Variants in RIBC2 observed in about 807,000 individuals in gnomAD.
RIBC2 encodes the protein RIB43A domain with coiled-coils 2.
Under a neutral mutation model 44.3 loss-of-function variants are expected in RIBC2, and 40 were observed. The ratio of observed to expected loss-of-function variants is 0.90; its 90% confidence interval spans 0.70 to 1.18. RIBC2 has a LOEUF of 1.18. Ranked by LOEUF, RIBC2 falls within the 50% of genes most tolerant of loss-of-function variation. The probability of loss-of-function intolerance (pLI) is 0.00; values close to 1 mark genes in which losing one functional copy is unlikely to be tolerated. For missense variants in RIBC2, 459 were observed against 485.5 expected (o/e 0.95, Z 0.51); for synonymous variants, 171 against 175.0 (o/e 0.98, Z 0.18).
chr22:45,420,023 GAAAC>G (rs998437402), intron 3 of RIBC2, among the ~76,000 whole-genome samples: 5 of 152,106 alleles, frequency 3.3e-5, no homozygotes, highest in African/African-American at 7.2e-5. Context: ...GACTCCATCT[GAAAC>G]AAACAAACAA....
Position 45,425,826 on chromosome 22 carries a change from C to T in RIBC2, c.676-122C>T, listed in dbSNP as rs368998104. 1.2e-4 allele frequency: 99 copies of T among 808,526 alleles called. 2 individuals carry two copies. The highest frequency in any genetic ancestry group is 6.9e-4 in the South Asian group (41 of 59,610). The allele number at this position is 808,526 out of a possible 1,614,324, so 50.1% of individuals were successfully genotyped here. A position where few individuals can be genotyped will look rare whatever the true frequency, so the allele number is the denominator to read the frequency against. ...GTGCCTGACAAGTCTCCCCTCCACCCGACTCCTGCTGCCCTTAGCATATCC... is the reference window on the plus strand; with the variant it reads ...GTGCCTGACAAGTCTCCCCTCCACCTGACTCCTGCTGCCCTTAGCATATCC... On this transcript the variant is annotated intron_variant, in intron 4 of 6. Transcript: ENST00000614167.
chr22:45,423,230 G>A (rs931214225), intron 4 of RIBC2, among the ~76,000 whole-genome samples: 2 of 151,964 alleles, frequency 1.3e-5, no homozygotes, highest in East Asian at 1.9e-4. Context: ...CAGTCCTCCC[G>A]CCTCAGCCTC....
At chr22:45,428,046 G>C (rs1170761201) in intron 5 of RIBC2, among the ~76,000 whole-genome samples, 3 of 152,362 alleles carry the variant, frequency 2.0e-5, no homozygotes, top group East Asian at 3.9e-4. Context: ...GGGGCCGCCA[G>C]GGAGGTGGAC....
chr22:45,431,167 C>A, intron 6 of RIBC2, 101 bp downstream of exon 6: 10 of 1,365,056 alleles, frequency 7.3e-6, no homozygotes, highest in Middle Eastern at 2.4e-4. Context: ...GGAAACACCC[C>A]GCCCTGGTGG....
chr22:45,414,138 T>C lies in RIBC2; in HGVS notation c.129+123T>C, dbSNP rs118185037. 7.1e-3 allele frequency: 10,602 copies of C among 1,485,200 alleles called. 50 individuals are homozygous for C. Among genetic ancestry groups the C allele is most frequent in the Middle Eastern group, 0.014 (58 of 4,288 alleles). 92.0% of individuals were successfully genotyped at this position (1,485,200 alleles called of 1,614,324 possible). ...AGCCAGGAGGCAGCAAACGGCCTCC[T>C]GCAGGGCCAATAATGCTCCCTCTCG... On this transcript the variant is annotated intron_variant, in intron 1 of 6. Coordinates refer to ENST00000614167, the MANE Select transcript of RIBC2 (RefSeq NM_015653.5).
chr22:45,419,942 C>T (rs914140495), intron 3 of RIBC2, among the ~76,000 whole-genome samples: 2 of 152,140 alleles, frequency 1.3e-5, no homozygotes, highest in African/African-American at 2.4e-5. Context: ...AGGAAAATGG[C>T]GTGAACCCGG....
intron 5 of RIBC2, among the ~76,000 whole-genome samples, chr22:45,427,648 G>A (rs560057316): frequency 1.2e-4 from 19 of 152,314 alleles, no homozygotes; most frequent in African/African-American, 3.6e-4. Context: ...ATGTATGCAT[G>A]TATTTTGAGA....
intron 5 of RIBC2, among the ~76,000 whole-genome samples, chr22:45,429,327 G>A (rs924882464): frequency 2.0e-5 from 3 of 152,212 alleles, no homozygotes; most frequent in African/African-American, 7.2e-5. Flanking sequence ...GGAGGCAGGA[G>A]AGCTGAGCAG....
At chr22:45,424,167 C>A (rs145412469) in intron 4 of RIBC2, among the ~76,000 whole-genome samples, 23 of 152,360 alleles carry the variant, frequency 1.5e-4, no homozygotes, top group African/African-American at 5.0e-4. Flanking sequence ...GCAAACACTC[C>A]TGCACTGGGA....
intron 1 of RIBC2, 93 bp downstream of exon 1, chr22:45,414,108 A>C (rs934176317): frequency 2.0e-6 from 3 of 1,508,692 alleles, no homozygotes; most frequent in South Asian, 1.3e-5. Context: ...AGGATGAAAC[A>C]TCTGAGCCAG....
chr22:45,421,581 TAATAATAATAATA>T (rs1569208961), intron 3 of RIBC2, among the ~76,000 whole-genome samples: 13 of 29,402 alleles, frequency 4.4e-4, no homozygotes, highest in African/African-American at 2.9e-3. Context: ...ATAGTATTAT[TAATAATAATAATA>T]GTATTATTAA....
In RIBC2 at chr22:45,417,745, G is replaced by C; in HGVS notation, c.355G>C (p.Asp119His). Reference sequence around the variant, plus strand: ...AACTCGCCGTGAATTTGATCTGTCCGACCCCCTAGCCCTTAAGAAAGATCT... The same window carrying C: ...AACTCGCCGTGAATTTGATCTGTCCCACCCCCTAGCCCTTAAGAAAGATCT... ...PETRREFDLS[D>H]PLALKKDLPA... The change falls in exon 3 of 7, where the codon GAC becomes CAC. Residue 119 changes from aspartate to histidine, a missense_variant. Asp to His is a moderately conservative substitution (Grantham distance 81, BLOSUM62 -1). Transcript: ENST00000614167. 6.2e-7 allele frequency: 1 copy of C among 1,614,072 alleles called. No individual in the cohort carries two copies. The highest frequency in any genetic ancestry group is 8.5e-7 in the Non-Finnish European group (1 of 1,180,012).
chr22:45,429,826 A>G (rs2087563633), intron 5 of RIBC2, among the ~76,000 whole-genome samples: 1 of 152,148 alleles, frequency 6.6e-6, no homozygotes, highest in Non-Finnish European at 1.5e-5. Flanking sequence ...GAAGACAGAA[A>G]AGCACAAAGG....
chr22:45,419,455 T>A (rs968535693), intron 3 of RIBC2, among the ~76,000 whole-genome samples: 8 of 152,050 alleles, frequency 5.3e-5, no homozygotes, highest in African/African-American at 1.9e-4. Context: ...ATCTCTCGGC[T>A]GGGCGCAGTG....
intron 4 of RIBC2, 44 bp from the exon 5 acceptor site, chr22:45,425,904 T>C: frequency 6.5e-7 from 1 of 1,542,808 alleles, no homozygotes; most frequent in East Asian, 2.3e-5. Flanking sequence ...AGAATGCCCC[T>C]GGGGTCACTC....
intron 3 of RIBC2, among the ~76,000 whole-genome samples, chr22:45,420,233 T>C (rs2087465213): frequency 6.6e-6 from 1 of 152,330 alleles, no homozygotes; most frequent in East Asian, 1.9e-4. Flanking sequence ...GGCTCACTTC[T>C]GCCTCAGGGC....
chr22:45,430,121 G>T (rs1383041085), intron 5 of RIBC2, among the ~76,000 whole-genome samples: 1 of 152,198 alleles, frequency 6.6e-6, no homozygotes, highest in East Asian at 1.9e-4. Context: ...TGCCTCGTGG[G>T]TGACAAAGCC....
intron 3 of RIBC2, among the ~76,000 whole-genome samples, chr22:45,419,325 G>GA (rs1439705532): frequency 3.3e-5 from 5 of 151,956 alleles, no homozygotes; most frequent in African/African-American, 9.7e-5. Context: ...ATCCGTGACA[G>GA]CTCCTTTCTT....
chr22:45,422,546 C>G (rs183352645), intron 4 of RIBC2, 138 bp downstream of exon 4: 1 of 691,632 alleles, frequency 1.4e-6, no homozygotes, highest in South Asian at 1.7e-5. Flanking sequence ...TGACAGAGAC[C>G]CTGATGGGCT....
Sources: gnomAD v4.1 joint callset for allele counts (sites outside exome capture counted in the v4.1 genomes callset) on GRCh38, gnomAD v4.1.1 for gene constraint, MANE v1.5 for transcripts, NCBI Gene and HGNC (gene_info 2026-07-23, HGNC 2026-07-21) for gene names.